Variants in PTBP2 observed in about 807,000 individuals in gnomAD.
The protein encoded by PTBP2 is polypyrimidine tract binding protein 2, also known as polypyrimidine tract-binding protein 2.
PTBP2 carries 13 observed loss-of-function variants against 61.4 expected under a neutral mutation model. That is an observed-to-expected ratio of 0.21 (90% CI 0.14 to 0.34). PTBP2 has a LOEUF of 0.34. Among genes scored for constraint, PTBP2 ranks in the 10% least tolerant of loss-of-function variants. PTBP2 has a pLI of 1.00. For synonymous variants in PTBP2, 215 were observed against 218.5 expected (o/e 0.98, Z 0.14); for missense variants, 405 against 642.6 (o/e 0.63, Z 4.00).
intron 5 of PTBP2, among the ~76,000 whole-genome samples, chr1:96,772,300 G>A (rs1657471549): frequency 1.3e-5 from 2 of 152,126 alleles, no homozygotes; most frequent in South Asian, 2.1e-4. Context: ...CTCTAATCAT[G>A]CCTTGATCTT....
At chr1:96,799,235 C>T (rs369546415) in intron 8 of PTBP2, among the ~76,000 whole-genome samples, 4 of 149,596 alleles carry the variant, frequency 2.7e-5, no homozygotes, top group Admixed American at 6.7e-5. Context: ...AGCACATGAT[C>T]GTTTATGAAG....
chr1:96,807,074 A>G lies in PTBP2; in HGVS notation c.1171+116A>G, dbSNP rs1042758816. The G allele has an allele frequency of 4.2e-6, 3 of 718,406 alleles. No individual in the cohort carries two copies. The East Asian group carries it at 9.1e-5, about 22-fold the overall frequency. The allele number at this position is 718,406 out of a possible 1,614,324, so 44.5% of individuals were successfully genotyped here. A position where few individuals can be genotyped will look rare whatever the true frequency, so the allele number is the denominator to read the frequency against. On this transcript the variant is annotated intron_variant, in intron 11 of 13. Coordinates refer to ENST00000674951, the MANE Select transcript of PTBP2 (RefSeq NM_021190.4). ...TCAGTAAGAAATTATTTTAATGGCC[A>G]GGGCTCAAAATGTCATTTTAATGTG...
At chr1:96,756,366 C>T (rs1326514111) in intron 3 of PTBP2, among the ~76,000 whole-genome samples, 2 of 152,180 alleles carry the variant, frequency 1.3e-5, no homozygotes, top group African/African-American at 2.4e-5. Context: ...GCCCATTTCA[C>T]TCCAACCTGG....
Position 96,812,765 on chromosome 1 carries a change from C to G in PTBP2, c.1225C>G (p.Leu409Val). 6.2e-7 allele frequency: 1 copy of G among 1,610,292 alleles called. No individual in the cohort carries two copies. The highest frequency in any genetic ancestry group is 8.5e-7 in the Non-Finnish European group (1 of 1,176,664). The stretch of plus-strand genomic sequence containing the variant: ...GTATGGAAAAATTATTCGTGTTACT[C>G]TGTCTAAACATCAGACTGTACAGCT... ...KMYGKIIRVTLSKHQTVQLPR... is the reference protein window; with the variant it reads ...KMYGKIIRVTVSKHQTVQLPR... The change falls in exon 12 of 14, where the codon CTG (leucine) becomes GTG (valine). Residue 409 changes from leucine to valine, a missense_variant. Physicochemically the swap from Leu to Val is conservative, Grantham distance 32. Transcript: ENST00000674951.
chr1:96,756,127 A>G (rs2100935475), intron 3 of PTBP2, among the ~76,000 whole-genome samples: 1 of 152,316 alleles, frequency 6.6e-6, no homozygotes, highest in South Asian at 2.1e-4. Context: ...GGCCGGGCAC[A>G]GTGGCTTACG....
At chr1:96,736,092 T>C (rs1652128222) in intron 2 of PTBP2, among the ~76,000 whole-genome samples, 1 of 152,230 alleles carries the variant, frequency 6.6e-6, no homozygotes, top group African/African-American at 2.4e-5. Context: ...CCACCTGTTA[T>C]TTTATAGCCA....
intron 8 of PTBP2, 68 bp from the exon 9 acceptor site, chr1:96,804,732 T>A: frequency 6.8e-7 from 1 of 1,472,306 alleles, no homozygotes; most frequent in Non-Finnish European, 9.2e-7. Context: ...TTAAATTGGT[T>A]TTTGTAAACG....
intron 2 of PTBP2, among the ~76,000 whole-genome samples, chr1:96,740,027 C>G (rs984557495): frequency 6.6e-6 from 1 of 152,024 alleles, no homozygotes; most frequent in Non-Finnish European, 1.5e-5. Flanking sequence ...TTGTGTTTGT[C>G]CTTTTGTGAC....
chr1:96,793,660 C>T (rs980153248), intron 8 of PTBP2, among the ~76,000 whole-genome samples: 14 of 152,252 alleles, frequency 9.2e-5, no homozygotes, highest in Admixed American at 7.2e-4. Flanking sequence ...CATGAGCCAC[C>T]GTGCCTGGCC....
At chr1:96,770,987 G>A (rs1432534468) in intron 5 of PTBP2, 136 bp downstream of exon 5, 1 of 705,252 alleles carries the variant, frequency 1.4e-6, no homozygotes, top group African/African-American at 1.8e-5. Context: ...GTATTTTCAT[G>A]CAGAATGTTT....
chr1:96,777,996 TAGAAAAA>T (rs1310955274), intron 7 of PTBP2, 50 bp downstream of exon 7: 1 of 961,944 alleles, frequency 1.0e-6, no homozygotes, highest in Admixed American at 2.3e-5. Flanking sequence ...AATGTATATG[TAGAAAAA>T]TATATATATA....
intron 5 of PTBP2, among the ~76,000 whole-genome samples, chr1:96,773,536 TG>T (rs948918275): frequency 2.5e-4 from 38 of 152,164 alleles, no homozygotes; most frequent in African/African-American, 8.9e-4. Context: ...TGTCTTTTCG[TG>T]TTTCAGAATG....
intron 2 of PTBP2, among the ~76,000 whole-genome samples, chr1:96,741,478 T>C (rs1276843051): frequency 6.6e-6 from 1 of 152,054 alleles, no homozygotes; most frequent in Non-Finnish European, 1.5e-5. Flanking sequence ...CCCAGGTTTG[T>C]TGCGAACTCC....
At chr1:96,732,302 TGACTTTTCTTAAAA>T (rs1024186656) in intron 2 of PTBP2, among the ~76,000 whole-genome samples, 1 of 152,220 alleles carries the variant, frequency 6.6e-6, no homozygotes, top group African/African-American at 2.4e-5. Flanking sequence ...TTTTAGGTTT[TGACTTTTCTTAAAA>T]TACTTTTCTT....
intron 3 of PTBP2, among the ~76,000 whole-genome samples, chr1:96,755,370 G>A (rs371923515): frequency 6.6e-6 from 1 of 152,284 alleles, no homozygotes; most frequent in African/African-American, 2.4e-5. Context: ...TGGGAAGAAT[G>A]TGGAAGAATG....
intron 8 of PTBP2, among the ~76,000 whole-genome samples, chr1:96,787,672 ATTT>A (rs1185534987): frequency 6.6e-6 from 1 of 152,114 alleles, no homozygotes; most frequent in African/African-American, 2.4e-5. Flanking sequence ...TTATTTTCAT[ATTT>A]TTTATGTAAA....
intron 2 of PTBP2, among the ~76,000 whole-genome samples, chr1:96,746,709 A>G (rs891409835): frequency 6.6e-6 from 1 of 151,028 alleles, no homozygotes; most frequent in Non-Finnish European, 1.5e-5. Context: ...TCTGAAAAAA[A>G]AAAAAAAAAA....
chr1:96,760,372 T>C (rs1450132832), intron 3 of PTBP2, among the ~76,000 whole-genome samples: 1 of 151,778 alleles, frequency 6.6e-6, no homozygotes, highest in Non-Finnish European at 1.5e-5. Flanking sequence ...CAATACCGAA[T>C]GTTGATGAAG....
At position 96,726,129 on chromosome 1, in the gene PTBP2, C is replaced by CT. The variant is rs201532944; in HGVS notation, c.39+2542dup. Among the ~76,000 whole-genome samples the CT allele has an allele frequency of 5.5e-3, 778 of 141,160 alleles. 5 individuals are homozygous for CT. The highest frequency in any genetic ancestry group is 9.5e-3 in the Non-Finnish European group (617 of 65,286). 92.6% of individuals were successfully genotyped at this position (141,160 alleles called of 152,430 possible). A position where few individuals can be genotyped will look rare whatever the true frequency, so the allele number is the denominator to read the frequency against. ...AAAAAAAATTCAAACTGCTTCACAG[C>CT]TTTTTTTGCTATTTCTTAGGTGTAG... On this transcript the variant is annotated intron_variant, in intron 2 of 13. Transcript: ENST00000674951.
Sources: allele counts gnomAD v4.1 joint callset (sites outside exome capture counted in the v4.1 genomes callset), GRCh38; gene constraint gnomAD v4.1.1; transcripts MANE v1.5; gene names NCBI Gene and HGNC (gene_info 2026-07-23, HGNC 2026-07-21).